The following NUP210L variants were observed in gnomAD, a reference collection of about 807,000 sequenced individuals.
The protein encoded by NUP210L is nuclear pore membrane glycoprotein 210-like.
NUP210L carries 74 observed loss-of-function variants against 208.5 expected under a neutral mutation model. The ratio of observed to expected loss-of-function variants is 0.35; its 90% CI spans 0.29 to 0.43. The LOEUF (loss-of-function observed/expected upper bound fraction) is 0.43. Ranked by LOEUF, NUP210L falls within the 20% of genes least tolerant of loss-of-function variation. The probability of loss-of-function intolerance (pLI) is 1.00; values close to 1 mark genes in which losing one functional copy is unlikely to be tolerated. For missense variants in NUP210L, 1,843 were observed against 2,289.4 expected (o/e 0.81, Z 3.98); for synonymous variants, 780 against 816.9 (o/e 0.95, Z 0.77).
chr1:154,131,935 G>A (rs1451555474), intron 7 of NUP210L, among the ~76,000 whole-genome samples: 5 of 151,886 alleles, frequency 3.3e-5, no homozygotes, highest in African/African-American at 1.2e-4. Flanking sequence ...AGTTCCTCCC[G>A]AGTAGCTGGG....
At chr1:154,032,372 G>C (rs1444740258) in intron 27 of NUP210L, among the ~76,000 whole-genome samples, 1 of 152,084 alleles carries the variant, frequency 6.6e-6, no homozygotes, top group Non-Finnish European at 1.5e-5. Flanking sequence ...ATTCATTGTT[G>C]CCTGTCTTTC....
At chr1:154,001,632 TA>T in intron 36 of NUP210L, 102 bp downstream of exon 36, 2 of 1,218,564 alleles carry the variant, frequency 1.6e-6, no homozygotes, top group Admixed American at 4.3e-5. Flanking sequence ...TGGTAATTTT[TA>T]TTAGGTCACT....
At chr1:154,107,366 T>C (rs939366211) in intron 12 of NUP210L, among the ~76,000 whole-genome samples, 26 of 150,266 alleles carry the variant, frequency 1.7e-4, no homozygotes, top group Non-Finnish European at 3.4e-4. Flanking sequence ...CCCAGCTACT[T>C]GGGAGGCTGA....
At chr1:154,025,129 C>T (rs993224792) in intron 30 of NUP210L, among the ~76,000 whole-genome samples, 6 of 149,810 alleles carry the variant, frequency 4.0e-5, no homozygotes, top group South Asian at 4.2e-4. Context: ...GGGGTTTCAC[C>T]GTGTTAGCCA....
chr1:154,154,867 C>T, exon 1 of NUP210L: 1 of 1,614,186 alleles, frequency 6.2e-7, no homozygotes, highest in Non-Finnish European at 8.5e-7. Flanking sequence ...CGCTGGGCCT[C>T]CAGCAGGAAA....
intron 32 of NUP210L, among the ~76,000 whole-genome samples, chr1:154,021,872 T>A (rs1281214408): frequency 2.0e-5 from 3 of 152,154 alleles, no homozygotes; most frequent in Non-Finnish European, 4.4e-5. Context: ...AATAAAATAC[T>A]CAAAATTATT....
chr1:154,071,298 AT>A lies in NUP210L; in HGVS notation c.2362-834del, dbSNP rs1654714057. Reference sequence around the variant, plus strand: ...AATTTTTATTAATTTTAATTTTTAAATTTTTTTATGTCCGTAAGTTTTTGGG... The same window carrying A: ...AATTTTTATTAATTTTAATTTTTAAATTTTTTATGTCCGTAAGTTTTTGGG... On this transcript the variant is annotated intron_variant, in intron 16 of 39. Transcript: ENST00000368559. Among the ~76,000 whole-genome samples, 5 of 151,562 alleles carry A rather than the reference AT, an allele frequency of 3.3e-5. No individual in the cohort carries two copies. The South Asian group carries it at 1.0e-3, about 32-fold the overall frequency.
At chr1:154,075,869 A>G (rs369485976) in intron 16 of NUP210L, among the ~76,000 whole-genome samples, 1 of 151,516 alleles carries the variant, frequency 6.6e-6, no homozygotes, top group Non-Finnish European at 1.5e-5. Context: ...AGCTCACTGC[A>G]TCCTCTGCCT....
At chr1:154,057,073 G>A in intron 22 of NUP210L, 126 bp from the exon 23 acceptor site, 1 of 817,450 alleles carries the variant, frequency 1.2e-6, no homozygotes, top group Non-Finnish European at 1.9e-6. Context: ...CAACCTCCCA[G>A]ACTCAATGTA....
At chr1:154,141,283 AAG>A (rs1432902086) in intron 4 of NUP210L, 146 bp downstream of exon 4, 1 of 623,656 alleles carries the variant, frequency 1.6e-6, no homozygotes, top group Non-Finnish European at 2.9e-6. Context: ...CATTCTATCA[AAG>A]ACATTTCTCT....
intron 19 of NUP210L, 96 bp from the exon 20 acceptor site, chr1:154,060,737 A>T: frequency 1.1e-6 from 1 of 885,960 alleles, no homozygotes; most frequent in Non-Finnish European, 1.8e-6. Context: ...AATATGGGAT[A>T]AAAAGATTAA....
chr1:153,995,488 T>C, intron 37 of NUP210L: 1 of 569,526 alleles, frequency 1.8e-6, no homozygotes, highest in Non-Finnish European at 3.1e-6. Context: ...CTTCTTCCTA[T>C]CTCCAGAGTA....
intron 5 of NUP210L, among the ~76,000 whole-genome samples, chr1:154,139,175 C>CTTG (rs1658702494): frequency 6.6e-6 from 1 of 151,870 alleles, no homozygotes; most frequent in Admixed American, 6.6e-5. Flanking sequence ...GGCTGAGGCA[C>CTTG]AAGAATCACT....
intron 30 of NUP210L, 67 bp from the exon 31 acceptor site, chr1:154,023,364 AG>A: frequency 8.1e-7 from 1 of 1,231,436 alleles, no homozygotes; most frequent in East Asian, 2.4e-5. Context: ...CCATATTCTG[AG>A]ACTTATAATC....
At position 154,117,816 on chromosome 1, in the gene NUP210L, G is replaced by A. The variant is rs1018994393; in HGVS notation, c.1529C>T (p.Thr510Met). 14 of 1,612,526 alleles carry A rather than the reference G, an allele frequency of 8.7e-6. No homozygotes were observed. Among genetic ancestry groups the A allele is most frequent in the Non-Finnish European group, 1.1e-5 (13 of 1,178,850 alleles). ...CTGACCTGCAGTCACCACTCCTTTC[G>A]TGGTTACTATGACCACTGTTTCATT... Residue 510 changes from threonine (T) to methionine (M), a missense_variant, in exon 12 of 40, where the codon ACG becomes ATG. Thr to Met is a moderately conservative substitution (Grantham distance 81, BLOSUM62 -1). This residue lies in a region of NUP210L where 408 missense variants were observed against 600.8 expected (regional missense o/e 0.68). Transcript: ENST00000368559.
At chr1:154,084,475 G>A (rs12042122) in intron 16 of NUP210L, among the ~76,000 whole-genome samples, 17 of 152,004 alleles carry the variant, frequency 1.1e-4, no homozygotes, top group Admixed American at 9.2e-4. Flanking sequence ...GCCTCCCAAA[G>A]TGCTGGGATT....
chr1:154,115,780 G>A (rs1197989570), intron 12 of NUP210L, among the ~76,000 whole-genome samples: 1 of 152,000 alleles, frequency 6.6e-6, no homozygotes, highest in Non-Finnish European at 1.5e-5. Context: ...TTCACTGAGT[G>A]ATGGCAAACT....
intron 27 of NUP210L, among the ~76,000 whole-genome samples, chr1:154,035,942 C>T (rs962660406): frequency 6.6e-6 from 1 of 150,426 alleles, no homozygotes; most frequent in Non-Finnish European, 1.5e-5. Flanking sequence ...ACCATCTTGG[C>T]CAGGCTGGTC....
chr1:154,154,731 C>A (rs1659607718), intron 1 of NUP210L, 111 bp downstream of exon 1: 2 of 852,508 alleles, frequency 2.3e-6, no homozygotes, highest in Admixed American at 4.2e-5. Flanking sequence ...CCGGCTAGGC[C>A]CCTTCACGCG....
Sources: gnomAD v4.1 joint callset for allele counts (sites outside exome capture counted in the v4.1 genomes callset) on GRCh38, gnomAD v4.1.1 for gene constraint, gnomAD v4.1.1 regional missense constraint, MANE v1.5 for transcripts, NCBI Gene and HGNC (gene_info 2026-07-23, HGNC 2026-07-21) for gene names.